SYDE2: variants seen among roughly 807,000 people sequenced by gnomAD.
SYDE2 encodes rho GTPase-activating protein SYDE2.
A neutral mutation model predicts 91.5 loss-of-function variants in SYDE2; 76 were observed. The ratio of observed to expected loss-of-function variants is 0.83; its 90% confidence interval spans 0.69 to 1.01. The LOEUF is 1.01. SYDE2 is among the 50% of genes least tolerant of loss of function. The probability of loss-of-function intolerance (pLI) is 0.00; values close to 1 mark genes in which losing one functional copy is unlikely to be tolerated. For missense variants in SYDE2, 1,364 were observed against 1,367.7 expected (o/e 1.00, Z 0.04); for synonymous variants, 513 against 506.4 (o/e 1.01, Z -0.18).
rs1276839597 is a variant in SYDE2, at chr1:85,178,214, G to A, written c.2603C>T (p.Ala868Val). The change falls in exon 4 of 7, where the codon GCT becomes GTT. Residue 868 changes from alanine to valine, a missense_variant. Ala to Val is a moderately conservative substitution (Grantham distance 64). Transcript: ENST00000341460. ...AACAGCTTTGCTATCTCTCTCAAAAGCCTCTCGCAGTTCTTTCTTGACTGC... is the reference window on the plus strand; with the variant it reads ...AACAGCTTTGCTATCTCTCTCAAAAACCTCTCGCAGTTCTTTCTTGACTGC... Reference protein sequence around the residue: ...SAAVKKELREAFERDSKAVGL... With the variant: ...SAAVKKELREVFERDSKAVGL... 6.3e-7 allele frequency: 1 copy of A among 1,585,488 alleles called. No individual in the cohort carries two copies. Among genetic ancestry groups the A allele is most frequent in the Non-Finnish European group, 8.6e-7 (1 of 1,164,594 alleles).
intron 1 of SYDE2, among the ~76,000 whole-genome samples, chr1:85,193,537 G>C (rs561487589): frequency 2.1e-4 from 32 of 152,276 alleles, no homozygotes; most frequent in African/African-American, 7.7e-4. Flanking sequence ...AGGAACTACA[G>C]TGAGAAAAAT....
In SYDE2 at chr1:85,165,916, G is replaced by A. The variant is rs200586642; in HGVS notation, c.2854-1159C>T. Among the ~76,000 whole-genome samples, 11 of 135,442 alleles carry A rather than the reference G, an allele frequency of 8.1e-5. No homozygotes were observed. In the East Asian group the frequency reaches 1.7e-3, roughly 21 times the overall value. The allele number at this position is 135,442 out of a possible 152,430, so 88.9% of individuals were successfully genotyped here. The stretch of plus-strand genomic sequence containing the variant: ...GGAGACAGGGTCTCACTCTGTTGCC[G>A]AGGCTGGAGTACAGTAGCATGATCA... On this transcript the variant is annotated intron_variant, in intron 5 of 6. Coordinates refer to ENST00000341460, the MANE Select transcript of SYDE2 (RefSeq NM_032184.2).
chr1:85,155,069 A>G (rs1656850297), downstream of SYDE2, among the ~76,000 whole-genome samples: 1 of 151,792 alleles, frequency 6.6e-6, no homozygotes, highest in Non-Finnish European at 1.5e-5. Flanking sequence ...AAAGAAAAAA[A>G]AAATAGGAGT....
downstream of SYDE2, among the ~76,000 whole-genome samples, chr1:85,155,139 C>CTGAT (rs1382807999): frequency 6.6e-6 from 1 of 151,058 alleles, no homozygotes; most frequent in Non-Finnish European, 1.5e-5. Flanking sequence ...TTTGATGAAG[C>CTGAT]TGATTAAGAA....
intron 1 of SYDE2, among the ~76,000 whole-genome samples, chr1:85,192,354 G>A (rs1013817446): frequency 6.6e-6 from 1 of 152,106 alleles, no homozygotes; most frequent in Admixed American, 6.5e-5. Context: ...GCTGCAGTGA[G>A]CTATGATTGT....
At chr1:85,167,729 T>C (rs986337865) in intron 5 of SYDE2, among the ~76,000 whole-genome samples, 5 of 152,252 alleles carry the variant, frequency 3.3e-5, no homozygotes, top group Admixed American at 6.5e-5. Context: ...TATAGTGTGA[T>C]AGACTATTTA....
At chr1:85,161,864 A>G (rs1403425790) in intron 6 of SYDE2, among the ~76,000 whole-genome samples, 1 of 145,846 alleles carries the variant, frequency 6.9e-6, no homozygotes, top group African/African-American at 2.7e-5. Context: ...CAGAAAATGA[A>G]TATCTAAAAG....
At chr1:85,196,182 C>T (rs1386797585) in intron 1 of SYDE2, among the ~76,000 whole-genome samples, 1 of 152,154 alleles carries the variant, frequency 6.6e-6, no homozygotes, top group Non-Finnish European at 1.5e-5. Context: ...AAGTGCTTTG[C>T]TCTAATAGGG....
intron 4 of SYDE2, among the ~76,000 whole-genome samples, chr1:85,171,168 A>G (rs1048821100): frequency 3.3e-5 from 5 of 152,218 alleles, no homozygotes; most frequent in African/African-American, 9.6e-5. Context: ...GCTGCTGGAT[A>G]TAAAAATCTG....
Position 85,164,663 on chromosome 1 carries a change from C to G in SYDE2, c.2948G>C (p.Gly983Ala). The G allele has an allele frequency of 6.4e-7, 1 of 1,567,672 alleles. No homozygotes were observed. The highest frequency in any genetic ancestry group is 1.4e-5 in the African/African-American group (1 of 73,836). The change falls in exon 6 of 7, where the codon GGA (glycine) becomes GCA (alanine). Residue 983 changes from glycine to alanine, a missense_variant. Coordinates refer to ENST00000341460, the MANE Select transcript of SYDE2 (RefSeq NM_032184.2). ...MTCQNLAVCF[G>A]PVLLSQRQEP... is the part of the protein sequence containing the mutation. ...TTGCCTCTGACTTAATAATACTGGTCCAAAGCACACAGCCAAATTCTGGCA... is the reference window on the plus strand; with the variant it reads ...TTGCCTCTGACTTAATAATACTGGTGCAAAGCACACAGCCAAATTCTGGCA...
At chr1:85,196,345 A>T (rs959712999) in intron 1 of SYDE2, among the ~76,000 whole-genome samples, 2 of 152,188 alleles carry the variant, frequency 1.3e-5, no homozygotes, top group African/African-American at 4.8e-5. Context: ...CCACACCTAT[A>T]GAATCTGCAT....
chr1:85,182,363 C>T lies in SYDE2; in HGVS notation c.2279G>A (p.Cys760Tyr), dbSNP rs546624741. ...EPTPRKNRVC[C>Y]HGTVVLPTLF... ...GGTGGGAAGAACAACAGTTCCATGA[C>T]AACAAACTCGATTTTTTCTTGGAGT... Residue 760 changes from cysteine to tyrosine, a missense_variant, in exon 3 of 7, where the codon TGT becomes TAT. Transcript: ENST00000341460. 1.2e-6 allele frequency: 2 copies of T among 1,613,854 alleles called. No individual in the cohort carries two copies. The highest frequency in any genetic ancestry group is 1.3e-5 in the African/African-American group (1 of 75,038).
intron 2 of SYDE2, among the ~76,000 whole-genome samples, chr1:85,185,322 T>C (rs1658091569): frequency 6.6e-6 from 1 of 150,518 alleles, no homozygotes; most frequent in African/African-American, 2.4e-5. Flanking sequence ...AAAGCAGATA[T>C]AGCATACTTT....
At chr1:85,173,558 G>A (rs1247560486) in intron 4 of SYDE2, among the ~76,000 whole-genome samples, 2 of 152,128 alleles carry the variant, frequency 1.3e-5, no homozygotes, top group African/African-American at 2.4e-5. Flanking sequence ...ACAAAGAAGA[G>A]CCTTATTTAA....
intron 4 of SYDE2, among the ~76,000 whole-genome samples, chr1:85,170,908 T>A (rs1258474639): frequency 6.6e-6 from 1 of 152,206 alleles, no homozygotes; most frequent in South Asian, 2.1e-4. Context: ...AATCACTTTG[T>A]ATATATGCAG....
chr1:85,158,565 T>G lies in SYDE2; in HGVS notation c.*185A>C. 1 of 485,498 alleles carries G rather than the reference T, an allele frequency of 2.1e-6. No individual in the cohort carries two copies. The highest frequency in any genetic ancestry group is 3.6e-6 in the Non-Finnish European group (1 of 280,194). The allele number at this position is 485,498 out of a possible 1,614,324, so 30.1% of individuals were successfully genotyped here. On this transcript the variant is annotated 3_prime_UTR_variant, in exon 7 of 7. Transcript: ENST00000341460. ...AAGTTTTATTGATCCCCAGAAAAGT[T>G]TTCTAGTGAGATAAGTAAAAATTGT...
In SYDE2 at chr1:85,190,151, T is replaced by C. The variant is rs751319235; in HGVS notation, c.1347A>G (p.Thr449=). ...GMNPIHPAHS[T]EFVQQYKQKL... The stretch of plus-strand genomic sequence containing the variant: ...TTTGCTTGTACTGCTGCACAAATTC[T>C]GTGGAATGGGCAGGATGTATAGGAT... Residue 449 remains threonine, a synonymous_variant, in exon 2 of 7, where the codon ACA becomes ACG. Coordinates refer to ENST00000341460, the MANE Select transcript of SYDE2 (RefSeq NM_032184.2). 21 of 1,613,918 alleles carry C rather than the reference T, an allele frequency of 1.3e-5. No homozygotes were observed. The South Asian group carries it at 2.3e-4, about 18-fold the overall frequency.
In SYDE2 at chr1:85,182,217, G is replaced by T. The variant is rs377161276; in HGVS notation, c.2425C>A (p.Gln809Lys). ...TCAACTCCAAATATTATTGGTTCTTGGTTTATATCTAGTCCATGAAGAGAA... is the reference window on the plus strand; with the variant it reads ...TCAACTCCAAATATTATTGGTTCTTTGTTTATATCTAGTCCATGAAGAGAA... ...ENSLHGLDIN[Q>K]EPIIFGVDIQ... Residue 809 changes from glutamine (Q) to lysine (K), a missense_variant, in exon 3 of 7, where the codon CAA (glutamine) becomes AAA (lysine). By Grantham distance (53) the Gln-to-Lys change is moderately conservative (BLOSUM62 1). Coordinates refer to ENST00000341460, the MANE Select transcript of SYDE2 (RefSeq NM_032184.2). 157 of 1,609,208 alleles carry T rather than the reference G, an allele frequency of 9.8e-5. No homozygotes were observed. The highest frequency in any genetic ancestry group is 1.2e-4 in the Non-Finnish European group (145 of 1,178,128).
chr1:85,185,924 G>T (rs532823329), intron 2 of SYDE2, among the ~76,000 whole-genome samples: 80 of 152,242 alleles, frequency 5.3e-4, no homozygotes, highest in African/African-American at 1.8e-3. Flanking sequence ...GTATGATATT[G>T]GCTGTGGGTT....
Sources: gnomAD v4.1 joint callset for allele counts (sites outside exome capture counted in the v4.1 genomes callset) on GRCh38, gnomAD v4.1.1 for gene constraint, MANE v1.5 for transcripts, NCBI Gene and HGNC (gene_info 2026-07-23, HGNC 2026-07-21) for gene names.